Variants in NALF1 observed in about 807,000 individuals in gnomAD.
The protein encoded by NALF1 is NALCN channel auxiliary factor 1.
In NALF1, 3 loss-of-function variants were observed where a neutral mutation model predicts 48.4. The observed-to-expected ratio is 0.06, with a 90% confidence interval of 0.03 to 0.16. The LOEUF is 0.16. Among genes scored for constraint, NALF1 ranks in the 10% least tolerant of loss-of-function variants. The pLI, the probability that NALF1 is intolerant of heterozygous loss-of-function variation, is 1.00. For synonymous variants in NALF1, 262 were observed against 245.7 expected (o/e 1.07, Z -0.62); for missense variants, 526 against 571.5 (o/e 0.92, Z 0.81).
At chr13:107,817,625 A>G (rs1879206122) in intron 1 of NALF1, among the ~76,000 whole-genome samples, 1 of 152,086 alleles carries the variant, frequency 6.6e-6, no homozygotes, top group Admixed American at 6.6e-5. Context: ...TCTTTTTAAA[A>G]TTTGTTTTCA....
chr13:107,733,507 T>C (rs907903371), intron 1 of NALF1, among the ~76,000 whole-genome samples: 2 of 152,180 alleles, frequency 1.3e-5, no homozygotes, highest in African/African-American at 4.8e-5. Flanking sequence ...ACAACAGTAG[T>C]TTTTAATCTA....
chr13:107,681,704 G>C (rs752996592), intron 1 of NALF1, among the ~76,000 whole-genome samples: 2 of 152,094 alleles, frequency 1.3e-5, no homozygotes, highest in Non-Finnish European at 2.9e-5. Context: ...GCTCTCATCC[G>C]ACGGCTGCAG....
intron 1 of NALF1, among the ~76,000 whole-genome samples, chr13:107,336,068 T>C (rs1882549350): frequency 6.6e-6 from 1 of 152,158 alleles, no homozygotes; most frequent in Non-Finnish European, 1.5e-5. Context: ...AAATCTAATA[T>C]CAGCCAGTCA....
At chr13:107,248,241 A>C (rs1425152042) in intron 1 of NALF1, among the ~76,000 whole-genome samples, 2 of 152,048 alleles carry the variant, frequency 1.3e-5, no homozygotes, top group East Asian at 3.9e-4. Context: ...AAAGGAGAAA[A>C]GGCCCAGGTA....
Position 107,693,974 on chromosome 13 carries a change from C to T in NALF1, c.915+171708G>A, listed in dbSNP as rs7329784. ...GGGAACCATTAAATCGTACATGTAA[C>T]GTCACAGTATTGGAGATGGTGCCAG... is the stretch of plus-strand genomic sequence containing the variant. On this transcript the variant is annotated intron_variant, in intron 1 of 2. Transcript: ENST00000375915. Among the ~76,000 whole-genome samples the T allele has an allele frequency of 8.9e-3, 1,362 of 152,232 alleles. 21 individuals carry two copies. The highest frequency in any genetic ancestry group is 0.03 in the African/African-American group (1,254 of 41,544).
At chr13:107,734,293 C>G (rs76897636) in intron 1 of NALF1, among the ~76,000 whole-genome samples, 5,973 of 151,958 alleles carry the variant, frequency 0.039, 174 homozygotes, top group Middle Eastern at 0.082. Context: ...GTGGTATCAG[C>G]CGGTATTAGC....
In NALF1 at chr13:107,812,811, G is replaced by A. The variant is rs1043285791; in HGVS notation, c.915+52871C>T. 1.5e-4 allele frequency among the ~76,000 whole-genome samples: 23 copies of A among 152,024 alleles called. No homozygotes were observed. In the East Asian group the frequency reaches 2.5e-3, roughly 17 times the overall value. ...ATTTTTTTTGTTTGTTGGTTGGTTC[G>A]TTAGTTTGAGACAGGGTCTCGCTCT... On this transcript the variant is annotated intron_variant, in intron 1 of 2. Coordinates refer to ENST00000375915, the MANE Select transcript of NALF1 (RefSeq NM_001080396.3).
chr13:107,706,828 T>C (rs569720125), intron 1 of NALF1, among the ~76,000 whole-genome samples: 1 of 151,926 alleles, frequency 6.6e-6, no homozygotes, highest in Non-Finnish European at 1.5e-5. Flanking sequence ...TTAATAATTC[T>C]AACTTCATTC....
At chr13:107,614,264 G>T (rs78568351) in intron 1 of NALF1, among the ~76,000 whole-genome samples, 4,770 of 152,252 alleles carry the variant, frequency 0.031, 240 homozygotes, top group East Asian at 0.23. Flanking sequence ...ACGCCGCCTT[G>T]TCTAACATCA....
chr13:107,201,103 T>C (rs1160697298), intron 2 of NALF1, among the ~76,000 whole-genome samples: 2 of 152,218 alleles, frequency 1.3e-5, no homozygotes, highest in African/African-American at 4.8e-5. Context: ...GGCCTTTCCA[T>C]GTGATCCCTT....
At chr13:107,486,833 A>G (rs1885337498) in intron 1 of NALF1, among the ~76,000 whole-genome samples, 1 of 152,126 alleles carries the variant, frequency 6.6e-6, no homozygotes, top group Non-Finnish European at 1.5e-5. Flanking sequence ...ATTTTTTAAC[A>G]TGATTCATGG....
At chr13:107,426,108 TC>T (rs1884277167) in intron 1 of NALF1, among the ~76,000 whole-genome samples, 1 of 152,144 alleles carries the variant, frequency 6.6e-6, no homozygotes, top group South Asian at 2.1e-4. Context: ...GGCTCTCCCC[TC>T]CACCAGGGCG....
rs1344625412 is a variant in NALF1 at position 107,236,667 on chromosome 13, GTCTGTCTATCTATCTATCTATCTA to G, written c.916-25936_916-25913del. On this transcript the variant is annotated intron_variant, in intron 1 of 2. Coordinates refer to ENST00000375915, the MANE Select transcript of NALF1 (RefSeq NM_001080396.3). ...TATGGCACTATCTATCTATCCATCT[GTCTGTCTATCTATCTATCTATCTA>G]TCTATCTATCTATCTATCTATCTAT... is the stretch of plus-strand genomic sequence containing the variant. Among the ~76,000 whole-genome samples the G allele has an allele frequency of 1.4e-3, 170 of 122,406 alleles. 1 individual carries two copies. The highest frequency in any genetic ancestry group is 9.9e-3 in the Admixed American group (113 of 11,378). The allele number at this position is 122,406 out of a possible 152,430, so 80.3% of individuals were successfully genotyped here.
rs10633995 is a variant in NALF1 at position 107,714,626 on chromosome 13, TAAAA to T, written c.915+151052_915+151055del. Among the ~76,000 whole-genome samples the T allele has an allele frequency of 2.4e-5, 3 of 126,490 alleles. No homozygotes were observed. The Admixed American group carries it at 2.6e-4, about 11-fold the overall frequency. The allele number at this position is 126,490 out of a possible 152,430, so 83.0% of individuals were successfully genotyped here. A position where few individuals can be genotyped will look rare whatever the true frequency, so the allele number is the denominator to read the frequency against. ...CCTGGGTGACAGAGTGAGGCTTTAT[TAAAA>T]AAAAAAAAAGAAAGATAAAATTGGG... On this transcript the variant is annotated intron_variant, in intron 1 of 2. Transcript: ENST00000375915.
intron 1 of NALF1, among the ~76,000 whole-genome samples, chr13:107,745,686 G>A (rs190417598): frequency 1.3e-5 from 2 of 152,192 alleles, no homozygotes; most frequent in Non-Finnish European, 2.9e-5. Context: ...CATAGATCCA[G>A]GGTGATATGG....
chr13:107,580,753 G>A (rs1878283001), intron 1 of NALF1, among the ~76,000 whole-genome samples: 1 of 152,164 alleles, frequency 6.6e-6, no homozygotes, highest in African/African-American at 2.4e-5. Context: ...GGAGAATCAT[G>A]TTTAATGCAC....
intron 1 of NALF1, among the ~76,000 whole-genome samples, chr13:107,555,116 T>C (rs561932815): frequency 6.6e-6 from 1 of 152,180 alleles, no homozygotes; most frequent in African/African-American, 2.4e-5. Context: ...AATAATCCAA[T>C]TGATCATTAA....
intron 1 of NALF1, among the ~76,000 whole-genome samples, chr13:107,404,357 C>T (rs948630110): frequency 3.3e-5 from 5 of 151,702 alleles, no homozygotes; most frequent in African/African-American, 7.3e-5. Flanking sequence ...GATAACTTCC[C>T]GGAATTAATG....
intron 1 of NALF1, among the ~76,000 whole-genome samples, chr13:107,695,927 C>T (rs1280372907): frequency 6.7e-6 from 1 of 149,656 alleles, no homozygotes; most frequent in Non-Finnish European, 1.5e-5. Flanking sequence ...GATGGAGTCT[C>T]ACTCTGTCAC....
Sources: gnomAD v4.1 joint callset for allele counts (sites outside exome capture counted in the v4.1 genomes callset) on GRCh38, gnomAD v4.1.1 for gene constraint, MANE v1.5 for transcripts, NCBI Gene and HGNC (gene_info 2026-07-23, HGNC 2026-07-21) for gene names.